Variants in ASAP1 observed in about 807,000 individuals in gnomAD.
ASAP1 encodes the protein arf-GAP with SH3 domain, ANK repeat and PH domain-containing protein 1.
A neutral mutation model predicts 145.2 loss-of-function variants in ASAP1; 43 were observed. That is an observed-to-expected ratio of 0.30 (90% CI 0.23 to 0.38). The LOEUF is 0.38. Ranked by LOEUF, ASAP1 falls within the 10% of genes least tolerant of loss-of-function variation. The probability of loss-of-function intolerance (pLI) is 1.00; values close to 1 mark genes in which losing one functional copy is unlikely to be tolerated. For synonymous variants in ASAP1, 546 were observed against 515.5 expected, an observed-to-expected ratio of 1.06 and a Z score of -0.80; for missense variants, 1,018 against 1,355.3, an observed-to-expected ratio of 0.75 and a Z score of 3.91.
At chr8:130,276,597 A>G (rs1474451941) in intron 3 of ASAP1, among the ~76,000 whole-genome samples, 1 of 151,726 alleles carries the variant, frequency 6.6e-6, no homozygotes, top group Admixed American at 6.6e-5. Context: ...AGCTGAGACA[A>G]TCTGGAGTAA....
At chr8:130,299,530 G>T (rs765050169) in intron 3 of ASAP1, among the ~76,000 whole-genome samples, 7 of 152,176 alleles carry the variant, frequency 4.6e-5, no homozygotes, top group African/African-American at 9.7e-5. Context: ...TCTCCATGCA[G>T]GCTGTCAGCT....
At chr8:130,314,771 T>G (rs1823567257) in intron 3 of ASAP1, among the ~76,000 whole-genome samples, 1 of 152,200 alleles carries the variant, frequency 6.6e-6, no homozygotes, top group African/African-American at 2.4e-5. Flanking sequence ...ATACTAAACA[T>G]TAAACAATCC....
intron 27 of ASAP1, among the ~76,000 whole-genome samples, chr8:130,064,850 G>A (rs1457790476): frequency 2.0e-5 from 3 of 151,538 alleles, no homozygotes; most frequent in Non-Finnish European, 4.4e-5. Context: ...GTGGTTCACA[G>A]AACTCAAAGA....
chr8:130,111,561 AAAG>A (rs1259114931), intron 24 of ASAP1, among the ~76,000 whole-genome samples: 2 of 152,214 alleles, frequency 1.3e-5, no homozygotes, highest in African/African-American at 2.4e-5. Context: ...GATGATTACA[AAAG>A]AAGTACTAGG....
intron 3 of ASAP1, among the ~76,000 whole-genome samples, chr8:130,306,647 T>C (rs1347669998): frequency 1.3e-5 from 2 of 152,176 alleles, no homozygotes; most frequent in African/African-American, 4.8e-5. Context: ...GCTCTCTGCA[T>C]AAGGTTAAAT....
At chr8:130,264,015 A>G (rs1820096851) in intron 3 of ASAP1, among the ~76,000 whole-genome samples, 1 of 152,218 alleles carries the variant, frequency 6.6e-6, no homozygotes, top group Non-Finnish European at 1.5e-5. Flanking sequence ...TGTTAAAACT[A>G]GTGAGGAGGA....
At chr8:130,438,620 T>C (rs1391343681) in intron 1 of ASAP1, among the ~76,000 whole-genome samples, 2 of 152,110 alleles carry the variant, frequency 1.3e-5, no homozygotes, top group Admixed American at 6.5e-5. Context: ...AGGGTTTGCA[T>C]GGGTTGGTAA....
In ASAP1 at chr8:130,072,791, A is replaced by ATGTGTGTGTGTGTGTGTGTGTG. The variant is rs1491261390; in HGVS notation, c.2701+3556_2701+3557insCACACACACACACACACACACA. On this transcript the variant is annotated intron_variant, in intron 27 of 29. Transcript: ENST00000518721. ...TTCTGAAGGCCTGGACTTGCAATTG[A>ATGTGTGTGTGTGTGTGTGTGTG]TATGTGTGTGTGTGTGTGTGTGTGT... is the stretch of plus-strand genomic sequence containing the variant. Among the ~76,000 whole-genome samples the ATGTGTGTGTGTGTGTGTGTGTG allele has an allele frequency of 2.4e-3, 222 of 91,182 alleles. 3 individuals carry two copies. Among genetic ancestry groups the ATGTGTGTGTGTGTGTGTGTGTG allele is most frequent in the Middle Eastern group, 5.8e-3 (1 of 172 alleles). The allele number at this position is 91,182 out of a possible 152,430, so 59.8% of individuals were successfully genotyped here. A position where few individuals can be genotyped will look rare whatever the true frequency, so the allele number is the denominator to read the frequency against.
intron 12 of ASAP1, 126 bp from the exon 13 acceptor site, chr8:130,152,931 A>G: frequency 1.6e-6 from 1 of 639,244 alleles, no homozygotes; most frequent in East Asian, 2.9e-5. Flanking sequence ...CAACCCCCCC[A>G]AAAAAATCCT....
At chr8:130,364,792 C>G in intron 2 of ASAP1, among the ~76,000 whole-genome samples, 1 of 152,162 alleles carries the variant, frequency 6.6e-6, no homozygotes, top group East Asian at 1.9e-4. Context: ...TGAGAACTTC[C>G]TCAGCAACAA....
rs112996168 is a variant in ASAP1, at chr8:130,268,534, C to A, written c.187-31540G>T. On this transcript the variant is annotated intron_variant, in intron 3 of 29. Coordinates refer to ENST00000518721, the MANE Select transcript of ASAP1 (RefSeq NM_018482.4). ...ACACACACACACACACACACACACACAACTGTGTAACTATAGAGCAATATT... is the reference window on the plus strand; with the variant it reads ...ACACACACACACACACACACACACAAAACTGTGTAACTATAGAGCAATATT... Among the ~76,000 whole-genome samples the A allele has an allele frequency of 2.6e-3, 385 of 145,682 alleles. 5 individuals carry two copies. Among genetic ancestry groups the A allele is most frequent in the African/African-American group, 8.6e-3 (319 of 37,062 alleles).
At chr8:130,258,505 T>A (rs1298599641) in intron 3 of ASAP1, among the ~76,000 whole-genome samples, 1 of 152,234 alleles carries the variant, frequency 6.6e-6, no homozygotes, top group Non-Finnish European at 1.5e-5. Flanking sequence ...ACTTTCCAGT[T>A]GTTTCATGTA....
intron 3 of ASAP1, among the ~76,000 whole-genome samples, chr8:130,238,463 G>A (rs1478468049): frequency 6.6e-6 from 1 of 152,012 alleles, no homozygotes; most frequent in East Asian, 1.9e-4. Flanking sequence ...CTGAGTACAC[G>A]AGACAACAAA....
chr8:130,165,662 G>A (rs567805002), intron 11 of ASAP1, among the ~76,000 whole-genome samples: 7 of 152,312 alleles, frequency 4.6e-5, no homozygotes, highest in Admixed American at 3.9e-4. Context: ...AGTGTACACA[G>A]ATGTTCCTGG....
chr8:130,165,211 A>G (rs74985814), intron 11 of ASAP1, among the ~76,000 whole-genome samples: 3,055 of 152,312 alleles, frequency 0.02, 47 homozygotes, highest in East Asian at 0.054. Flanking sequence ...TCTCCATGCA[A>G]AACAAAAAGG....
intron 15 of ASAP1, among the ~76,000 whole-genome samples, chr8:130,131,079 C>A (rs965885713): frequency 3.3e-5 from 5 of 152,038 alleles, no homozygotes; most frequent in African/African-American, 1.2e-4. Flanking sequence ...ATTGCTTGAA[C>A]CCGGGAGGCA....
chr8:130,243,817 A>G (rs1818689139), intron 3 of ASAP1, among the ~76,000 whole-genome samples: 1 of 151,924 alleles, frequency 6.6e-6, no homozygotes. Context: ...TCCATTCATT[A>G]CCCTCTCTTA....
intron 5 of ASAP1, among the ~76,000 whole-genome samples, chr8:130,198,741 TATTA>T (rs1189964163): frequency 6.6e-6 from 1 of 152,186 alleles, no homozygotes; most frequent in East Asian, 1.9e-4. Context: ...ATGATCAGGT[TATTA>T]ATTAAGGTTT....
intron 3 of ASAP1, among the ~76,000 whole-genome samples, chr8:130,334,037 C>T (rs1824874587): frequency 6.6e-6 from 1 of 152,194 alleles, no homozygotes; most frequent in Non-Finnish European, 1.5e-5. Flanking sequence ...AAGGTGACAT[C>T]TGAGCTCAGT....
Sources: allele counts gnomAD v4.1 joint callset (sites outside exome capture counted in the v4.1 genomes callset), GRCh38; gene constraint gnomAD v4.1.1; transcripts MANE v1.5; gene names NCBI Gene and HGNC (gene_info 2026-07-23, HGNC 2026-07-21).